The following ZEB1 variants were observed in gnomAD, a reference collection of about 807,000 sequenced individuals.
The protein encoded by ZEB1 is zinc finger E-box binding homeobox 1.
In ZEB1, 21 loss-of-function variants were observed where a neutral mutation model predicts 84.9. That is an observed-to-expected ratio of 0.25 (90% CI 0.18 to 0.36). The LOEUF is 0.36. ZEB1 is among the 10% of genes least tolerant of loss of function. The pLI is 1.00. For synonymous variants in ZEB1, 420 were observed against 471.1 expected, an observed-to-expected ratio of 0.89 and a Z score of 1.41; for missense variants, 1,104 against 1,330.2, an observed-to-expected ratio of 0.83 and a Z score of 2.65.
chr10:31,437,079 A>C (rs2058380316), intron 1 of ZEB1, among the ~76,000 whole-genome samples: 1 of 152,186 alleles, frequency 6.6e-6, no homozygotes, highest in African/African-American at 2.4e-5. Context: ...TTAACTTCCC[A>C]ACAATATATT....
chr10:31,427,486 C>T (rs931347001), intron 1 of ZEB1, among the ~76,000 whole-genome samples: 1 of 152,098 alleles, frequency 6.6e-6, no homozygotes, highest in Non-Finnish European at 1.5e-5. Context: ...CTTTCTCTCC[C>T]CCCACCTCCC....
At chr10:31,468,113 G>C (rs2062674085) in intron 2 of ZEB1, among the ~76,000 whole-genome samples, 2 of 152,112 alleles carry the variant, frequency 1.3e-5, no homozygotes, top group African/African-American at 4.8e-5. Flanking sequence ...TGTTCCAGCT[G>C]CCTGAGAACT....
At chr10:31,437,653 A>G (rs956012461) in intron 1 of ZEB1, among the ~76,000 whole-genome samples, 2 of 152,194 alleles carry the variant, frequency 1.3e-5, no homozygotes, top group African/African-American at 2.4e-5. Flanking sequence ...GTTGGCAACC[A>G]ATAAGCCTTA....
chr10:31,326,561 G>A (rs1045509839), intron 1 of ZEB1, among the ~76,000 whole-genome samples: 3 of 152,156 alleles, frequency 2.0e-5, no homozygotes, highest in African/African-American at 7.2e-5. Context: ...TTGCAGTAAA[G>A]CAGACAGTCA....
At chr10:31,333,273 A>G (rs1275017002) in intron 1 of ZEB1, among the ~76,000 whole-genome samples, 2 of 152,140 alleles carry the variant, frequency 1.3e-5, no homozygotes, top group Non-Finnish European at 2.9e-5. Flanking sequence ...ATTGCTATAT[A>G]TCTTTAATGT....
chr10:31,362,966 C>T, intron 1 of ZEB1: 1 of 1,533,976 alleles, frequency 6.5e-7, no homozygotes, highest in Non-Finnish European at 8.7e-7. Context: ...ACCAACAGTG[C>T]CTCAGGAGAT....
At chr10:31,512,560 A>T (rs1565173827) in intron 5 of ZEB1, among the ~76,000 whole-genome samples, 1 of 152,182 alleles carries the variant, frequency 6.6e-6, no homozygotes, top group African/African-American at 2.4e-5. Flanking sequence ...TACTGTGACT[A>T]ACAAGCATTT....
intron 1 of ZEB1, among the ~76,000 whole-genome samples, chr10:31,446,850 G>T (rs2059848185): frequency 6.6e-6 from 1 of 151,686 alleles, no homozygotes; most frequent in Non-Finnish European, 1.5e-5. Flanking sequence ...GTCAATTTTG[G>T]AATAGGTGTG....
intron 2 of ZEB1, among the ~76,000 whole-genome samples, chr10:31,472,382 A>G (rs981302742): frequency 4.6e-5 from 7 of 152,200 alleles, no homozygotes; most frequent in Non-Finnish European, 1.0e-4. Context: ...GGATATCACC[A>G]CCGATCCCAC....
intron 1 of ZEB1, among the ~76,000 whole-genome samples, chr10:31,420,315 G>A (rs992848928): frequency 4.6e-5 from 7 of 152,112 alleles, no homozygotes; most frequent in African/African-American, 1.7e-4. Flanking sequence ...TGGCTCCTCT[G>A]CTTAAGGCAG....
chr10:31,357,286 A>G (rs1441466507), intron 1 of ZEB1, among the ~76,000 whole-genome samples: 2 of 152,208 alleles, frequency 1.3e-5, no homozygotes, highest in African/African-American at 2.4e-5. Context: ...CTGCGTGTGT[A>G]TAACTGGGAA....
At chr10:31,365,715 T>C (rs921985357) in intron 1 of ZEB1, among the ~76,000 whole-genome samples, 7 of 152,206 alleles carry the variant, frequency 4.6e-5, no homozygotes, top group Non-Finnish European at 7.3e-5. Flanking sequence ...TGTAATATAA[T>C]GAATTCCACA....
chr10:31,378,250 G>T (rs1050022938), intron 1 of ZEB1, among the ~76,000 whole-genome samples: 1 of 151,432 alleles, frequency 6.6e-6, no homozygotes, highest in African/African-American at 2.4e-5. Flanking sequence ...TGTCGTGGAG[G>T]TCTATGCTCT....
intron 1 of ZEB1, among the ~76,000 whole-genome samples, chr10:31,412,148 T>C (rs1233078072): frequency 7.9e-5 from 12 of 152,198 alleles, no homozygotes. Context: ...TTTTCCTCTC[T>C]TTTTTACACA....
At chr10:31,458,336 T>TTGTGTGTGTGTGTG (rs770656843) in intron 1 of ZEB1, among the ~76,000 whole-genome samples, 2 of 102,264 alleles carry the variant, frequency 2.0e-5, no homozygotes, top group Non-Finnish European at 3.4e-5. Flanking sequence ...TGTGTGTGTG[T>TTGTGTGTGTGTGTG]TGTGTGTGTG....
In ZEB1 at chr10:31,333,988, G is replaced by A. The variant is rs999693211; in HGVS notation, c.58+14696G>A. 2.0e-5 allele frequency among the ~76,000 whole-genome samples: 3 copies of A among 152,006 alleles called. No homozygotes were observed. The East Asian group carries it at 5.8e-4, about 29-fold the overall frequency. On this transcript the variant is annotated intron_variant, in intron 1 of 8. Coordinates refer to ENST00000424869, the MANE Select transcript of ZEB1 (RefSeq NM_001174096.2). ...GTCACTCAATAGTTATAAAAGGAAG[G>A]TATAATTTTAAATAAGTGACTACCT...
chr10:31,457,268 G>T (rs1386200980), intron 1 of ZEB1, among the ~76,000 whole-genome samples: 3 of 152,180 alleles, frequency 2.0e-5, no homozygotes, highest in East Asian at 3.9e-4. Flanking sequence ...TTTATCAAGG[G>T]CCTGCATTAC....
chr10:31,319,161 G>A (rs2032928450), upstream of ZEB1: 3 of 1,040,928 alleles, frequency 2.9e-6, no homozygotes, highest in South Asian at 1.4e-5. Context: ...GAGGGGTGGA[G>A]GCGGAGGGGT....
At chr10:31,418,382 A>G (rs377674728) in intron 1 of ZEB1, among the ~76,000 whole-genome samples, 281 of 152,120 alleles carry the variant, frequency 1.8e-3, no homozygotes, top group African/African-American at 6.4e-3. Context: ...GTTTGGACGG[A>G]GTGGATGGGG....
Sources: allele counts gnomAD v4.1 joint callset (sites outside exome capture counted in the v4.1 genomes callset), GRCh38; gene constraint gnomAD v4.1.1; transcripts MANE v1.5; gene names NCBI Gene and HGNC (gene_info 2026-07-23, HGNC 2026-07-21).